PRKG1: variants seen among roughly 807,000 people sequenced by gnomAD.
PRKG1 encodes cGMP-dependent protein kinase 1.
PRKG1 carries 35 observed loss-of-function variants against 88.1 expected under a neutral mutation model. The ratio of observed to expected loss-of-function variants is 0.40; its 90% CI spans 0.30 to 0.53. PRKG1 has a LOEUF of 0.53. PRKG1 is among the 20% of genes least tolerant of loss of function. PRKG1 has a pLI of 0.59. For synonymous variants in PRKG1, 303 were observed against 292.5 expected, an observed-to-expected ratio of 1.04 and a Z score of -0.37; for missense variants, 540 against 839.8, an observed-to-expected ratio of 0.64 and a Z score of 4.41.
chr10:51,299,158 T>G (rs1017336270), intron 2 of PRKG1, among the ~76,000 whole-genome samples: 2 of 152,158 alleles, frequency 1.3e-5, no homozygotes, highest in African/African-American at 4.8e-5. Context: ...ATTTATTGCT[T>G]AAGACTTTAG....
At chr10:51,190,929 A>G (rs1837616323) in intron 2 of PRKG1, among the ~76,000 whole-genome samples, 1 of 151,884 alleles carries the variant, frequency 6.6e-6, no homozygotes, top group Non-Finnish European at 1.5e-5. Flanking sequence ...GTTATGGATG[A>G]ACAATAATAT....
intron 3 of PRKG1, among the ~76,000 whole-genome samples, chr10:51,529,511 A>G (rs1396110233): frequency 2.0e-5 from 3 of 152,184 alleles, no homozygotes; most frequent in African/African-American, 4.8e-5. Flanking sequence ...CTTTATAGCC[A>G]GACTCCCCAT....
intron 2 of PRKG1, among the ~76,000 whole-genome samples, chr10:51,303,224 A>C (rs1435262714): frequency 6.6e-6 from 1 of 152,062 alleles, no homozygotes; most frequent in Non-Finnish European, 1.5e-5. Context: ...ATCCTCCTCT[A>C]TTCTTTTCTC....
intron 1 of PRKG1, among the ~76,000 whole-genome samples, chr10:51,044,623 C>G (rs571185984): frequency 1.6e-4 from 24 of 151,974 alleles, no homozygotes; most frequent in Admixed American, 1.6e-3. Flanking sequence ...TTATTCTCCA[C>G]ACCACATAGC....
intron 4 of PRKG1, among the ~76,000 whole-genome samples, chr10:51,872,480 A>G (rs1403962955): frequency 6.6e-6 from 1 of 152,206 alleles, no homozygotes; most frequent in African/African-American, 2.4e-5. Flanking sequence ...ATTCAGTTCA[A>G]TAAACTGAAT....
chr10:51,756,006 C>T (rs905049664), intron 3 of PRKG1, among the ~76,000 whole-genome samples: 1 of 152,134 alleles, frequency 6.6e-6, no homozygotes, highest in Non-Finnish European at 1.5e-5. Flanking sequence ...TTCAATCATC[C>T]TGGATCACGC....
At chr10:51,555,133 AG>A (rs1837277343) in intron 3 of PRKG1, among the ~76,000 whole-genome samples, 1 of 151,876 alleles carries the variant, frequency 6.6e-6, no homozygotes. Context: ...CAGGAATACA[AG>A]GGGGTTGTCA....
chr10:52,014,204 T>C (rs1844974020), intron 5 of PRKG1, among the ~76,000 whole-genome samples: 1 of 152,178 alleles, frequency 6.6e-6, no homozygotes, highest in African/African-American at 2.4e-5. Context: ...GACTGGGTAA[T>C]TTATAAATAA....
At chr10:51,070,356 A>C (rs1054961719), upstream of PRKG1, among the ~76,000 whole-genome samples, 1 of 152,136 alleles carries the variant, frequency 6.6e-6, no homozygotes, top group Non-Finnish European at 1.5e-5. Flanking sequence ...CTTAGAACAG[A>C]CCGTCATGTC....
At chr10:51,004,292 C>T (rs1439853554) in intron 1 of PRKG1, among the ~76,000 whole-genome samples, 8 of 152,060 alleles carry the variant, frequency 5.3e-5, no homozygotes, top group African/African-American at 9.7e-5. Context: ...GGAGAAACCC[C>T]GTCTCTACTA....
rs561956460 is a variant in PRKG1, at chr10:51,440,832, C to T, written c.479-26891C>T. ...AGGTAGAGGGTGCTTAAAGAAGTTA[C>T]GAGAGAGCAACTAAAACAGCCAAGA... On this transcript the variant is annotated intron_variant, in intron 2 of 17. Transcript: ENST00000373980. Among the ~76,000 whole-genome samples, 134 of 151,766 alleles carry T rather than the reference C, an allele frequency of 8.8e-4. 1 individual carries two copies. Among genetic ancestry groups the T allele is most frequent in the Non-Finnish European group, 1.7e-3 (114 of 67,882 alleles).
At chr10:51,269,373 C>G (rs1564663110) in intron 2 of PRKG1, among the ~76,000 whole-genome samples, 1 of 151,910 alleles carries the variant, frequency 6.6e-6, no homozygotes, top group African/African-American at 2.4e-5. Flanking sequence ...GGTATCTACC[C>G]AAAGGAAAAA....
intron 2 of PRKG1, among the ~76,000 whole-genome samples, chr10:51,458,000 C>T (rs1839635881): frequency 6.6e-6 from 1 of 152,156 alleles, no homozygotes; most frequent in African/African-American, 2.4e-5. Flanking sequence ...CATTCTTTTT[C>T]ATCTTATTAA....
chr10:52,108,686 G>A (rs1847481713), intron 7 of PRKG1, among the ~76,000 whole-genome samples: 1 of 151,852 alleles, frequency 6.6e-6, no homozygotes, highest in Admixed American at 6.6e-5. Flanking sequence ...CTTATATTCT[G>A]TTATTACAAA....
At chr10:51,697,454 T>G (rs1000903918) in intron 3 of PRKG1, 4 of 516,150 alleles carry the variant, frequency 7.7e-6, no homozygotes, top group African/African-American at 7.7e-5. Flanking sequence ...TTTGGCATAA[T>G]ATAATCATGT....
intron 2 of PRKG1, among the ~76,000 whole-genome samples, chr10:51,156,323 A>ACACACACACACACC (rs796364856): frequency 2.2e-4 from 33 of 151,238 alleles, no homozygotes; most frequent in Admixed American, 2.6e-4. Flanking sequence ...AAACACACAC[A>ACACACACACACACC]CCCGAATGTA....
intron 3 of PRKG1, among the ~76,000 whole-genome samples, chr10:51,796,056 C>T (rs1176048492): frequency 6.6e-6 from 1 of 152,032 alleles, no homozygotes. Flanking sequence ...TTATGACGGT[C>T]TGTGGTGATT....
At chr10:52,234,102 T>C (rs2132358101) in intron 9 of PRKG1, among the ~76,000 whole-genome samples, 1 of 151,948 alleles carries the variant, frequency 6.6e-6, no homozygotes, top group Admixed American at 6.6e-5. Context: ...CAGCTGAGGG[T>C]CCTGTCTGTT....
intron 7 of PRKG1, among the ~76,000 whole-genome samples, chr10:52,078,738 G>T (rs35135891): frequency 6.6e-6 from 1 of 152,194 alleles, no homozygotes; most frequent in South Asian, 2.1e-4. Flanking sequence ...GAGTCATTAC[G>T]AACTGGAATA....
Sources: gnomAD v4.1 joint callset for allele counts (sites outside exome capture counted in the v4.1 genomes callset) on GRCh38, gnomAD v4.1.1 for gene constraint, MANE v1.5 for transcripts, NCBI Gene and HGNC (gene_info 2026-07-23, HGNC 2026-07-21) for gene names.